CELF2: variants seen among roughly 807,000 people sequenced by gnomAD.
CELF2 encodes CUGBP Elav-like family member 2.
A neutral mutation model predicts 62.6 loss-of-function variants in CELF2; 8 were observed. The observed-to-expected ratio is 0.13, with a 90% confidence interval of 0.07 to 0.23. CELF2 has a LOEUF of 0.23. Ranked by LOEUF, CELF2 falls within the 10% of genes least tolerant of loss-of-function variation. The pLI is 1.00. For synonymous variants in CELF2, 258 were observed against 250.0 expected, an observed-to-expected ratio of 1.03 and a Z score of -0.30; for missense variants, 333 against 671.0, an observed-to-expected ratio of 0.50 and a Z score of 5.56.
chr10:10,634,468 A>G, the CELF2 span, among the ~76,000 whole-genome samples: 3 of 152,142 alleles, frequency 2.0e-5, no homozygotes, highest in African/African-American at 7.2e-5. Context: ...AGTAGCTAAC[A>G]CATCAGCTGC....
chr10:10,693,196 T>C, the CELF2 span, among the ~76,000 whole-genome samples: 1 of 117,160 alleles, frequency 8.5e-6, no homozygotes, highest in African/African-American at 3.3e-5. Context: ...CAATACCTAA[T>C]TTATTGAGAG....
At chr10:10,741,337 C>A in the CELF2 span, among the ~76,000 whole-genome samples, 1 of 151,710 alleles carries the variant, frequency 6.6e-6, no homozygotes, top group Non-Finnish European at 1.5e-5. Context: ...ATGGTGAAAA[C>A]CCATCTCTTC....
At chr10:11,105,746 C>T (rs139796056) in intron 1 of CELF2, among the ~76,000 whole-genome samples, 1 of 152,224 alleles carries the variant, frequency 6.6e-6, no homozygotes, top group Non-Finnish European at 1.5e-5. Flanking sequence ...GACACCTTCA[C>T]ACATCTCTGC....
At chr10:10,996,865 C>G (rs1444661238) in intron 2 of CELF2, among the ~76,000 whole-genome samples, 2 of 152,164 alleles carry the variant, frequency 1.3e-5, no homozygotes, top group East Asian at 3.9e-4. Flanking sequence ...ACAGGCTTCT[C>G]AAGCTCAGCT....
chr10:10,600,572 G>A, the CELF2 span, among the ~76,000 whole-genome samples: 2 of 151,980 alleles, frequency 1.3e-5, no homozygotes, highest in Non-Finnish European at 2.9e-5. Context: ...TAGAACTTTG[G>A]GAAAAGCTTT....
Position 11,296,985 on chromosome 10 carries a change from G to T in CELF2, c.976+8433G>T, listed in dbSNP as rs1452698358. 6.6e-6 allele frequency among the ~76,000 whole-genome samples: 1 copy of T among 152,214 alleles called. No individual in the cohort carries two copies. The highest frequency in any genetic ancestry group is 1.9e-4 in the East Asian group (1 of 5,196). ...GGGGACCCTGAGAGCCGGGGCTCAG[G>T]AGCTGGGACTTTTCCTGTCAGCAGT... is the stretch of plus-strand genomic sequence containing the variant. On this transcript the variant is annotated intron_variant, in intron 9 of 12. Transcript: ENST00000633077. The surrounding 1 kb of genome is among the most constrained non-coding windows in gnomAD (Gnocchi z 5.0).
the CELF2 span, among the ~76,000 whole-genome samples, chr10:10,729,670 C>G: frequency 1.3e-5 from 2 of 151,822 alleles, no homozygotes; most frequent in Admixed American, 1.3e-4. Flanking sequence ...TCCCAGCTAC[C>G]TGGGAGGCTG....
chr10:11,083,744 C>A (rs1158669242), intron 1 of CELF2, among the ~76,000 whole-genome samples: 1 of 152,214 alleles, frequency 6.6e-6, no homozygotes, highest in African/African-American at 2.4e-5. Flanking sequence ...TGGGTTCCAC[C>A]ACTGACTTGG....
the CELF2 span, among the ~76,000 whole-genome samples, chr10:10,665,931 C>T: frequency 5.9e-5 from 9 of 152,286 alleles, no homozygotes; most frequent in African/African-American, 2.2e-4. Flanking sequence ...GAAGCCAAGG[C>T]CATGAAGCTT....
Position 11,005,550 on chromosome 10 carries a change from G to C in CELF2, c.53+110G>C. On this transcript the variant is annotated intron_variant, in intron 1 of 12. Transcript: ENST00000416382. This position sits in a 1 kb window ranked among gnomAD's most constrained non-coding sequence, Gnocchi z 4.3. ...TAGCTTCCTTACCTTAGAAGAGAAGGGGGGAAAAAGAATCTAAAGAGGAAG... is the reference window on the plus strand; with the variant it reads ...TAGCTTCCTTACCTTAGAAGAGAAGCGGGGAAAAAGAATCTAAAGAGGAAG... 1 of 1,510,956 alleles carries C rather than the reference G, an allele frequency of 6.6e-7. No individual in the cohort carries two copies. Among genetic ancestry groups the C allele is most frequent in the African/African-American group, 1.4e-5 (1 of 72,566 alleles). The allele number at this position is 1,510,956 out of a possible 1,614,324, so 93.6% of individuals were successfully genotyped here. A position where few individuals can be genotyped will look rare whatever the true frequency, so the allele number is the denominator to read the frequency against.
At chr10:11,094,702 C>G (rs1011013978) in intron 1 of CELF2, among the ~76,000 whole-genome samples, 18 of 152,322 alleles carry the variant, frequency 1.2e-4, no homozygotes, top group African/African-American at 2.4e-5. Context: ...GACTGCCCAT[C>G]ATGTGTCCAT....
intron 1 of CELF2, among the ~76,000 whole-genome samples, chr10:10,857,675 A>ATATG (rs1160049287): frequency 3.7e-5 from 5 of 135,838 alleles, no homozygotes; most frequent in Admixed American, 2.2e-4. Context: ...ATATATATAT[A>ATATG]TATATATTTT....
chr10:10,572,495 C>T, the CELF2 span, among the ~76,000 whole-genome samples: 4 of 152,022 alleles, frequency 2.6e-5, no homozygotes, highest in African/African-American at 9.7e-5. Context: ...TTCCCTAATG[C>T]TCTCCCTCCC....
intron 2 of CELF2, among the ~76,000 whole-genome samples, chr10:11,188,250 C>T (rs530313284): frequency 1.3e-5 from 2 of 152,308 alleles, no homozygotes; most frequent in Admixed American, 6.5e-5. Context: ...GGATTACAGG[C>T]ATGTGCCACC....
At chr10:10,596,593 G>A in the CELF2 span, among the ~76,000 whole-genome samples, 1 of 152,168 alleles carries the variant, frequency 6.6e-6, no homozygotes, top group East Asian at 1.9e-4. Context: ...AGAGGATGGA[G>A]TTTGTGGTCT....
chr10:11,104,054 C>T (rs2142787056), intron 1 of CELF2, among the ~76,000 whole-genome samples: 1 of 152,250 alleles, frequency 6.6e-6, no homozygotes, highest in Admixed American at 6.5e-5. Flanking sequence ...TACCCTTTTG[C>T]TCTTAGTATT....
the CELF2 span, among the ~76,000 whole-genome samples, chr10:10,767,528 G>C: frequency 6.6e-6 from 1 of 152,164 alleles, no homozygotes; most frequent in South Asian, 2.1e-4. Context: ...AAGAGAAGCA[G>C]GGTGAGGGAA....
chr10:10,968,209 C>G (rs922716310), intron 2 of CELF2, among the ~76,000 whole-genome samples: 3 of 152,152 alleles, frequency 2.0e-5, no homozygotes, highest in African/African-American at 7.2e-5. Context: ...CAAGAATTGA[C>G]AGCGCATCTT....
the CELF2 span, among the ~76,000 whole-genome samples, chr10:10,696,546 CT>C: frequency 1.3e-5 from 2 of 151,082 alleles, no homozygotes; most frequent in Non-Finnish European, 3.0e-5. Flanking sequence ...TCGAGCTTCC[CT>C]GCTGCTTTGT....
Sources: allele counts gnomAD v4.1 joint callset (sites outside exome capture counted in the v4.1 genomes callset), GRCh38; gene constraint gnomAD v4.1.1; non-coding constraint Gnocchi (gnomAD v3.1); transcripts MANE v1.5; gene names NCBI Gene and HGNC (gene_info 2026-07-23, HGNC 2026-07-21).